The following CEP350 variants were observed in gnomAD, a reference collection of about 807,000 sequenced individuals.
The protein encoded by CEP350 is centrosomal protein 350.
A neutral mutation model predicts 331.8 loss-of-function variants in CEP350; 126 were observed. The ratio of observed to expected loss-of-function variants is 0.38; its 90% CI spans 0.33 to 0.44. CEP350 has a LOEUF of 0.44. CEP350 is among the 20% of genes least tolerant of loss of function. The pLI is 1.00. For synonymous variants in CEP350, 1,200 were observed against 1,259.5 expected (o/e 0.95, Z 1.00); for missense variants, 3,406 against 3,634.6 (o/e 0.94, Z 1.62).
At position 180,097,887 on chromosome 1, in the gene CEP350, T is replaced by G. The variant is rs574394799; in HGVS notation, c.9067-976T>G. On this transcript the variant is annotated intron_variant, in intron 36 of 37. Coordinates refer to ENST00000367607, the MANE Select transcript of CEP350 (RefSeq NM_014810.5). Reference sequence around the variant, plus strand: ...ATTGTCCCCAAAAATTTCTTTGAGATTTTTCCAATTCAGAGATTTATTTTA... The same window carrying G: ...ATTGTCCCCAAAAATTTCTTTGAGAGTTTTCCAATTCAGAGATTTATTTTA... 2.6e-5 allele frequency among the ~76,000 whole-genome samples: 4 copies of G among 152,340 alleles called. No individual in the cohort carries two copies. The East Asian group carries it at 7.7e-4, about 29-fold the overall frequency.
Position 179,996,554 on chromosome 1 carries a change from G to A in CEP350, c.397G>A (p.Glu133Lys). ...EFREPLVSYREIHGAPSNFSS... is the reference protein window; with the variant it reads ...EFREPLVSYRKIHGAPSNFSS... The stretch of plus-strand genomic sequence containing the variant: ...AGAGCTTATTATTTTTTATTGTAGG[G>A]AAATCCATGGTGCACCTTCCAATTT... Residue 133 changes from glutamate (E) to lysine (K), a missense_variant and splice_region_variant, in exon 6 of 38, where the codon GAA (glutamate) becomes AAA (lysine). By Grantham distance (56) the Glu-to-Lys change is moderately conservative. Transcript: ENST00000367607. The A allele has an allele frequency of 6.5e-7, 1 of 1,537,438 alleles. No homozygotes were observed. The highest frequency in any genetic ancestry group is 8.8e-7 in the Non-Finnish European group (1 of 1,137,438).
chr1:180,094,836 A>C (rs1043350813), intron 34 of CEP350, among the ~76,000 whole-genome samples: 4 of 152,158 alleles, frequency 2.6e-5, no homozygotes, highest in African/African-American at 9.7e-5. Flanking sequence ...TGTCATGAGT[A>C]GTCAATATAG....
At chr1:180,041,331 A>G in intron 18 of CEP350, 83 bp downstream of exon 18, 2 of 955,208 alleles carry the variant, frequency 2.1e-6, no homozygotes, top group African/African-American at 1.7e-5. Flanking sequence ...TTAATTATAT[A>G]GGAGAAAAAA....
rs1327929994 is a variant in CEP350, at chr1:180,094,382, A to G, written c.8277A>G (p.Leu2759=). The G allele has an allele frequency of 1.9e-6, 3 of 1,613,860 alleles. No homozygotes were observed. Among genetic ancestry groups the G allele is most frequent in the East Asian group, 2.2e-5 (1 of 44,874 alleles). Residue 2759 remains leucine (L), a synonymous_variant, in exon 34 of 38, where the codon CTA becomes CTG. Coordinates refer to ENST00000367607, the MANE Select transcript of CEP350 (RefSeq NM_014810.5). ...TCAGCTTACTGACAGACAGTTTACTAAAAGTCTTTGTAAAGGACACAGTCA... is the reference window on the plus strand; with the variant it reads ...TCAGCTTACTGACAGACAGTTTACTGAAAGTCTTTGTAAAGGACACAGTCA... The part of the protein sequence containing the change: ...EKISLLTDSL[L]KVFVKDTVNQ...
chr1:180,086,025 A>G (rs951616475), intron 31 of CEP350: 35 of 152,370 alleles, frequency 2.3e-4, no homozygotes, highest in Non-Finnish European at 2.6e-4. Flanking sequence ...TGGTGAAACT[A>G]GGATTTTAAT....
chr1:180,093,078 A>G lies in CEP350; in HGVS notation c.6973A>G (p.Ser2325Gly), dbSNP rs780545979. ...ATTAGCTATTGAAAATCTCCATAAAAGTGAGGAAATGTTGAAAGAGAGACA... is the reference window on the plus strand; with the variant it reads ...ATTAGCTATTGAAAATCTCCATAAAGGTGAGGAAATGTTGAAAGAGAGACA... ...VGLAIENLHK[S>G]EEMLKERQSD... is the part of the protein sequence containing the mutation. The change falls in exon 34 of 38, where the codon AGT (serine) becomes GGT (glycine). Residue 2325 changes from serine (S) to glycine (G), a missense_variant. Physicochemically the swap from Ser to Gly is moderately conservative, Grantham distance 56 (BLOSUM62 0). Transcript: ENST00000367607. 6.2e-7 allele frequency: 1 copy of G among 1,605,366 alleles called. No homozygotes were observed. Among genetic ancestry groups the G allele is most frequent in the Admixed American group, 1.7e-5 (1 of 58,708 alleles).
intron 34 of CEP350, 89 bp downstream of exon 34, chr1:180,094,705 C>A: frequency 2.2e-6 from 3 of 1,342,344 alleles, no homozygotes; most frequent in South Asian, 3.1e-5. Flanking sequence ...CATTTTAATT[C>A]TGTGACTCCT....
At chr1:180,031,899 C>A (rs1656047619) in intron 15 of CEP350, among the ~76,000 whole-genome samples, 1 of 152,094 alleles carries the variant, frequency 6.6e-6, no homozygotes, top group Non-Finnish European at 1.5e-5. Flanking sequence ...TGGGCTACCA[C>A]AAACTATCTC....
At chr1:180,065,381 G>T in intron 27 of CEP350, 109 bp downstream of exon 27, 2 of 1,080,318 alleles carry the variant, frequency 1.9e-6, no homozygotes, top group Non-Finnish European at 2.5e-6. Flanking sequence ...ATATTTTATG[G>T]ATTCAGTAGC....
In CEP350 at chr1:180,020,623, A is replaced by G. The variant is rs1246188512; in HGVS notation, c.2849A>G (p.Gln950Arg). ...CCCAAACCAGAAGGGCTACTGGCAC[A>G]GTTATGTAAAAGGCAGACTGACTCT... is the stretch of plus-strand genomic sequence containing the variant. ...PGPKPEGLLA[Q>R]LCKRQTDSSS... The change falls in exon 12 of 38, where the codon CAG (glutamine) becomes CGG (arginine). Residue 950 changes from glutamine (Q) to arginine (R), a missense_variant. Physicochemically the swap from Gln to Arg is conservative, Grantham distance 43. This residue lies in a region of CEP350 where 1,857 missense variants were observed against 1,909.2 expected (regional missense o/e 0.97). Transcript: ENST00000367607. 1.2e-6 allele frequency: 2 copies of G among 1,613,908 alleles called. No homozygotes were observed. Among genetic ancestry groups the G allele is most frequent in the Non-Finnish European group, 1.7e-6 (2 of 1,179,910 alleles).
At chr1:180,057,516 C>G (rs1558131767) in intron 25 of CEP350, among the ~76,000 whole-genome samples, 1 of 141,612 alleles carries the variant, frequency 7.1e-6, no homozygotes, top group Non-Finnish European at 1.6e-5. Flanking sequence ...TGTCTGTTTT[C>G]TTTTTTTTTT....
At chr1:179,996,151 TAGA>T (rs932926330) in intron 5 of CEP350, among the ~76,000 whole-genome samples, 42 of 152,318 alleles carry the variant, frequency 2.8e-4, no homozygotes, top group African/African-American at 1.0e-3. Context: ...TTTTACTTGA[TAGA>T]GGGGGTATTG....
At chr1:180,054,845 C>G (rs1402124183) in intron 25 of CEP350, among the ~76,000 whole-genome samples, 1 of 152,076 alleles carries the variant, frequency 6.6e-6, no homozygotes, top group African/African-American at 2.4e-5. Context: ...ATTATTGTTT[C>G]CCTAGACTTT....
chr1:180,033,732 T>C, intron 15 of CEP350, 130 bp from the exon 16 acceptor site: 12 of 873,724 alleles, frequency 1.4e-5, no homozygotes, highest in Non-Finnish European at 2.1e-5. Flanking sequence ...TATTAATGAA[T>C]AAATGCCTAA....
intron 34 of CEP350, among the ~76,000 whole-genome samples, chr1:180,094,935 A>G (rs1004003810): frequency 7.2e-5 from 11 of 152,212 alleles, no homozygotes; most frequent in Middle Eastern, 3.2e-3. Context: ...CATAGATTAC[A>G]TCTCCTTCCA....
intron 22 of CEP350, among the ~76,000 whole-genome samples, chr1:180,050,102 G>A (rs565210969): frequency 2.0e-5 from 3 of 152,278 alleles, no homozygotes; most frequent in East Asian, 1.9e-4. Context: ...ACTATCCAAA[G>A]AAACCAAACC....
At chr1:180,029,972 G>C in intron 14 of CEP350, among the ~76,000 whole-genome samples, 1 of 151,986 alleles carries the variant, frequency 6.6e-6, no homozygotes, top group Non-Finnish European at 1.5e-5. Context: ...AGGTTCATCT[G>C]TATTGTAGCA....
chr1:180,033,712 A>G, intron 15 of CEP350, 150 bp from the exon 16 acceptor site: 1 of 755,538 alleles, frequency 1.3e-6, no homozygotes, highest in Non-Finnish European at 2.1e-6. Flanking sequence ...TTCATTCAGC[A>G]TAGTGATTAT....
At chr1:180,028,649 G>C (rs754080029) in intron 14 of CEP350, among the ~76,000 whole-genome samples, 6 of 151,780 alleles carry the variant, frequency 4.0e-5, no homozygotes, top group Non-Finnish European at 5.9e-5. Flanking sequence ...AGAAAAAATA[G>C]AAAAATTATC....
Sources: gnomAD v4.1 joint callset for allele counts (sites outside exome capture counted in the v4.1 genomes callset) on GRCh38, gnomAD v4.1.1 for gene constraint, gnomAD v4.1.1 regional missense constraint, MANE v1.5 for transcripts, NCBI Gene and HGNC (gene_info 2026-07-23, HGNC 2026-07-21) for gene names.